NTM: variants seen among roughly 807,000 people sequenced by gnomAD.
NTM encodes the protein IgLON family member 2.
A neutral mutation model predicts 42.1 loss-of-function variants in NTM; 13 were observed. The ratio of observed to expected loss-of-function variants is 0.31; its 90% CI spans 0.20 to 0.49. The LOEUF is 0.49. NTM is among the 20% of genes least tolerant of loss of function. The pLI is 0.99. For missense variants in NTM, 373 were observed against 452.8 expected (o/e 0.82, Z 1.60); for synonymous variants, 187 against 179.2 (o/e 1.04, Z -0.35).
intron 4 of NTM, among the ~76,000 whole-genome samples, chr11:132,221,505 G>A (rs1242384105): frequency 6.6e-6 from 1 of 152,134 alleles, no homozygotes; most frequent in Non-Finnish European, 1.5e-5. Flanking sequence ...CAGAGTGCAG[G>A]GGCTTCATTG....
chr11:131,708,929 G>A (rs2076849572), intron 1 of NTM, among the ~76,000 whole-genome samples: 1 of 152,162 alleles, frequency 6.6e-6, no homozygotes, highest in Non-Finnish European at 1.5e-5. Context: ...GGAATGAGGA[G>A]GTGGGGTTGC....
intron 1 of NTM, among the ~76,000 whole-genome samples, chr11:131,522,603 G>A (rs1299407367): frequency 6.6e-6 from 1 of 152,182 alleles, no homozygotes; most frequent in Non-Finnish European, 1.5e-5. Flanking sequence ...ATTAAAGTGT[G>A]ATTAAAGTGC....
At chr11:132,197,017 T>C (rs927823106) in intron 3 of NTM, among the ~76,000 whole-genome samples, 2 of 152,196 alleles carry the variant, frequency 1.3e-5, no homozygotes, top group African/African-American at 4.8e-5. Flanking sequence ...AGGTTAAGGC[T>C]GATGGCATGA....
intron 1 of NTM, among the ~76,000 whole-genome samples, chr11:131,394,272 G>A (rs549289609): frequency 8.6e-5 from 13 of 151,870 alleles, no homozygotes; most frequent in South Asian, 2.1e-4. Flanking sequence ...CTCCACTCTC[G>A]TTCTTCATCT....
chr11:131,781,134 C>T (rs1344704038), intron 1 of NTM, among the ~76,000 whole-genome samples: 1 of 151,742 alleles, frequency 6.6e-6, no homozygotes, highest in East Asian at 1.9e-4. Flanking sequence ...TAAAAGAGAG[C>T]TCTATTATAT....
At chr11:131,891,593 C>T (rs1328739569) in intron 1 of NTM, among the ~76,000 whole-genome samples, 1 of 152,132 alleles carries the variant, frequency 6.6e-6, no homozygotes, top group Non-Finnish European at 1.5e-5. Context: ...CCTCTGGTTC[C>T]CCGAGGACTC....
chr11:131,437,062 AG>A (rs1395616827), intron 1 of NTM, among the ~76,000 whole-genome samples: 1 of 152,220 alleles, frequency 6.6e-6, no homozygotes, highest in Non-Finnish European at 1.5e-5. Flanking sequence ...ATTCAGGAGC[AG>A]GTTGTTCAGT....
chr11:131,936,096 G>T (rs543823068), intron 2 of NTM, among the ~76,000 whole-genome samples: 1 of 152,180 alleles, frequency 6.6e-6, no homozygotes, highest in African/African-American at 2.4e-5. Flanking sequence ...TGAGAGTGAT[G>T]GTCGAGAGAC....
intron 1 of NTM, among the ~76,000 whole-genome samples, chr11:131,744,871 G>A (rs540040886): frequency 2.6e-5 from 4 of 152,254 alleles, no homozygotes; most frequent in East Asian, 1.9e-4. Context: ...TCAGTGCAGC[G>A]TTCGTATCAC....
At chr11:132,111,340 TCTC>T (rs1451453064) in intron 2 of NTM, among the ~76,000 whole-genome samples, 1 of 152,000 alleles carries the variant, frequency 6.6e-6, no homozygotes, top group African/African-American at 2.4e-5. Flanking sequence ...GACTTTTTAA[TCTC>T]CTTTCTCTCT....
Position 131,813,086 on chromosome 11 carries a change from G to T in NTM, c.83-98478G>T, listed in dbSNP as rs75523346. Among the ~76,000 whole-genome samples, 1,118 of 152,326 alleles carry T rather than the reference G, an allele frequency of 7.3e-3. 13 individuals are homozygous for T. Among genetic ancestry groups the T allele is most frequent in the African/African-American group, 0.026 (1,072 of 41,576 alleles). On this transcript the variant is annotated intron_variant, in intron 1 of 8. Transcript: ENST00000683400. ...CAGGATTATCAATTGTGGTAAGGAA[G>T]TTATGTTGACAATCACAAAAGTTAT... is the stretch of plus-strand genomic sequence containing the variant.
chr11:132,120,363 G>A (rs2064591367), intron 2 of NTM, among the ~76,000 whole-genome samples: 2 of 152,262 alleles, frequency 1.3e-5, no homozygotes, highest in South Asian at 4.1e-4. Context: ...AAAGGGAAAA[G>A]AATGAGAGTG....
intron 2 of NTM, among the ~76,000 whole-genome samples, chr11:132,016,361 G>T (rs752876484): frequency 4.6e-5 from 7 of 151,746 alleles, no homozygotes; most frequent in Non-Finnish European, 8.8e-5. Context: ...TCTAACCCCA[G>T]CCTTAGGCAA....
At chr11:131,821,364 G>A (rs1364197759) in intron 1 of NTM, among the ~76,000 whole-genome samples, 1 of 152,202 alleles carries the variant, frequency 6.6e-6, no homozygotes, top group Non-Finnish European at 1.5e-5. Flanking sequence ...TTCCTGCTGT[G>A]TGAAAAGTAC....
intron 3 of NTM, among the ~76,000 whole-genome samples, chr11:132,207,618 T>A (rs2082188180): frequency 6.6e-6 from 1 of 152,204 alleles, no homozygotes; most frequent in African/African-American, 2.4e-5. Flanking sequence ...AACCTGTCCC[T>A]GGTGCCAACA....
At chr11:132,057,306 G>A (rs1191755961) in intron 2 of NTM, among the ~76,000 whole-genome samples, 1 of 151,974 alleles carries the variant, frequency 6.6e-6, no homozygotes. Flanking sequence ...TAGAAATGCA[G>A]ATATAAATCT....
intron 2 of NTM, among the ~76,000 whole-genome samples, chr11:131,995,964 C>T (rs1212330585): frequency 6.6e-6 from 1 of 152,116 alleles, no homozygotes; most frequent in Non-Finnish European, 1.5e-5. Context: ...TCGACATTAT[C>T]TGGGAGGCCT....
In NTM at chr11:131,810,119, C is replaced by G. The variant is rs773615727; in HGVS notation, c.83-101445C>G. On this transcript the variant is annotated intron_variant, in intron 1 of 8. Coordinates refer to ENST00000683400, the MANE Select transcript of NTM (RefSeq NM_001352005.2). ...AAGAGGGTTCATTACTCTGGATGTC[C>G]CAGGAATGAAAGCAAGAAGCTAACT... 8.3e-4 allele frequency among the ~76,000 whole-genome samples: 127 copies of G among 152,256 alleles called. 1 individual carries two copies. The highest frequency in any genetic ancestry group is 2.2e-3 in the Admixed American group (33 of 15,284).
chr11:131,416,412 G>A (rs2135791859), intron 1 of NTM, among the ~76,000 whole-genome samples: 1 of 152,268 alleles, frequency 6.6e-6, no homozygotes, highest in African/African-American at 2.4e-5. Flanking sequence ...TGAGTAAGAA[G>A]CCATGAAAAT....
Sources: allele counts gnomAD v4.1 joint callset (sites outside exome capture counted in the v4.1 genomes callset), GRCh38; gene constraint gnomAD v4.1.1; transcripts MANE v1.5; gene names NCBI Gene and HGNC (gene_info 2026-07-23, HGNC 2026-07-21).